Variants in PDE1C observed in about 807,000 individuals in gnomAD.
The protein encoded by PDE1C is phosphodiesterase 1C, also known as dual specificity calcium/calmodulin-dependent 3',5'-cyclic nucleotide phosphodiesterase 1C.
A neutral mutation model predicts 93.1 loss-of-function variants in PDE1C; 62 were observed. That is an observed-to-expected ratio of 0.67 (90% CI 0.54 to 0.82). PDE1C has a LOEUF of 0.82. PDE1C is among the 40% of genes least tolerant of loss of function. PDE1C has a pLI of 0.00. For missense variants in PDE1C, 742 were observed against 884.6 expected, an observed-to-expected ratio of 0.84 and a Z score of 2.04; for synonymous variants, 325 against 310.1, an observed-to-expected ratio of 1.05 and a Z score of -0.50.
At chr7:32,267,987 T>C (rs1464776550) in intron 1 of PDE1C, among the ~76,000 whole-genome samples, 5 of 152,152 alleles carry the variant, frequency 3.3e-5, no homozygotes, top group African/African-American at 1.2e-4. Flanking sequence ...CTCGTGATCT[T>C]TGGTGAAGGA....
rs1794222919 is a variant in PDE1C at position 31,753,250 on chromosome 7, T to G, written c.*134A>C. The stretch of plus-strand genomic sequence containing the variant: ...AATCACATACAACTTTCATTTCACC[T>G]TGGTGGAGTCAACCAGGATAGTACC... On this transcript the variant is annotated 3_prime_UTR_variant, in exon 18 of 18. Coordinates refer to ENST00000396191, the MANE Select transcript of PDE1C (RefSeq NM_001191057.4). 1 of 1,079,536 alleles carries G rather than the reference T, an allele frequency of 9.3e-7. No homozygotes were observed. Among genetic ancestry groups the G allele is most frequent in the Non-Finnish European group, 1.3e-6 (1 of 767,076 alleles). 66.9% of individuals were successfully genotyped at this position (1,079,536 alleles called of 1,614,324 possible). A position where few individuals can be genotyped will look rare whatever the true frequency, so the allele number is the denominator to read the frequency against.
At chr7:31,963,881 T>A (rs1584220966) in intron 2 of PDE1C, among the ~76,000 whole-genome samples, 1 of 152,170 alleles carries the variant, frequency 6.6e-6, no homozygotes, top group East Asian at 1.9e-4. Flanking sequence ...TGGGAGTCAA[T>A]GTATGAAAAT....
intron 2 of PDE1C, among the ~76,000 whole-genome samples, chr7:31,966,596 G>GC (rs1360317219): frequency 6.6e-6 from 1 of 152,172 alleles, no homozygotes; most frequent in East Asian, 1.9e-4. Flanking sequence ...ACTCAGCTCT[G>GC]CACCAAGCAG....
intron 2 of PDE1C, among the ~76,000 whole-genome samples, chr7:31,982,230 G>A (rs961500834): frequency 6.6e-5 from 10 of 152,184 alleles, no homozygotes; most frequent in African/African-American, 9.7e-5. Context: ...GACAGGCAGT[G>A]TTGTCACTGA....
chr7:32,176,017 T>A (rs543436627), intron 2 of PDE1C, among the ~76,000 whole-genome samples: 1 of 152,348 alleles, frequency 6.6e-6, no homozygotes, highest in East Asian at 1.9e-4. Flanking sequence ...TCCAAACTAG[T>A]TGTTACATCT....
At chr7:31,804,645 T>C (rs980416399) in intron 16 of PDE1C, among the ~76,000 whole-genome samples, 1 of 151,864 alleles carries the variant, frequency 6.6e-6, no homozygotes, top group Non-Finnish European at 1.5e-5. Context: ...CTTTATTAAG[T>C]CAAGAACTTT....
rs575685172 is a variant in PDE1C, at chr7:31,927,820, C to T, written c.129-46960G>A. Among the ~76,000 whole-genome samples, 187 of 152,222 alleles carry T rather than the reference C, an allele frequency of 1.2e-3. 1 individual carries two copies. The highest frequency in any genetic ancestry group is 3.2e-3 in the African/African-American group (135 of 41,544). On this transcript the variant is annotated intron_variant, in intron 2 of 17. Transcript: ENST00000396191. ...CAAAGATCAAAGGTATATAAATCCA[C>T]GAAGATGAGGAAAAACCAGTGCAAA...
the PDE1C span, among the ~76,000 whole-genome samples, chr7:31,639,691 C>T: frequency 6.6e-6 from 1 of 151,862 alleles, no homozygotes; most frequent in Non-Finnish European, 1.5e-5. Context: ...TGCCTGCCAC[C>T]ATGCCCGGCT....
At chr7:31,856,061 T>C (rs965256569) in intron 7 of PDE1C, among the ~76,000 whole-genome samples, 6 of 152,206 alleles carry the variant, frequency 3.9e-5, no homozygotes, top group Non-Finnish European at 7.3e-5. Context: ...TAATGAGTAA[T>C]ACAAACAGAT....
rs569215463 is a variant in PDE1C at position 32,268,646 on chromosome 7, T to G, written c.85+30005A>C. On this transcript the variant is annotated intron_variant, in intron 1 of 18. Coordinates refer to the PDE1C transcript ENST00000396193. ...GAAAATGAGGGAAAATTGCCTACGGTGAAATTCATTAGGTTGTTTTTAAAA... is the reference window on the plus strand; with the variant it reads ...GAAAATGAGGGAAAATTGCCTACGGGGAAATTCATTAGGTTGTTTTTAAAA... 8.5e-5 allele frequency among the ~76,000 whole-genome samples: 13 copies of G among 152,190 alleles called. No individual in the cohort carries two copies. The East Asian group carries it at 2.3e-3, about 27-fold the overall frequency.
chr7:32,105,691 C>T (rs1024447948), intron 3 of PDE1C, among the ~76,000 whole-genome samples: 1 of 143,572 alleles, frequency 7.0e-6, no homozygotes, highest in African/African-American at 2.6e-5. Context: ...GGATGTACCA[C>T]CACATCTGAC....
At chr7:31,706,846 T>C in the PDE1C span, among the ~76,000 whole-genome samples, 2 of 152,214 alleles carry the variant, frequency 1.3e-5, no homozygotes, top group African/African-American at 4.8e-5. Flanking sequence ...GTGAATGTGT[T>C]TTCTGGCCCA....
chr7:32,368,953 T>C (rs1396008673), intron 1 of PDE1C, among the ~76,000 whole-genome samples: 1 of 152,116 alleles, frequency 6.6e-6, no homozygotes, highest in Non-Finnish European at 1.5e-5. Flanking sequence ...TGCAAAAGAA[T>C]GAAACTAGAC....
chr7:31,652,236 A>G, the PDE1C span, among the ~76,000 whole-genome samples: 1 of 152,212 alleles, frequency 6.6e-6, no homozygotes, highest in Non-Finnish European at 1.5e-5. Flanking sequence ...GTGATTCTGT[A>G]TCAGAATTCA....
At chr7:31,870,892 A>G (rs1795863266) in intron 6 of PDE1C, among the ~76,000 whole-genome samples, 2 of 151,906 alleles carry the variant, frequency 1.3e-5, no homozygotes, top group Non-Finnish European at 2.9e-5. Context: ...AACACTATAT[A>G]TTATTTTATG....
chr7:31,651,395 T>C, the PDE1C span: 1 of 1,141,696 alleles, frequency 8.8e-7, no homozygotes, highest in Admixed American at 2.8e-5. Flanking sequence ...GCTTTTCCTT[T>C]GCTTTCTTGG....
intron 6 of PDE1C, among the ~76,000 whole-genome samples, chr7:31,868,588 C>T (rs1214384830): frequency 6.6e-6 from 1 of 151,962 alleles, no homozygotes; most frequent in Non-Finnish European, 1.5e-5. Flanking sequence ...TCAGGGTCCC[C>T]AAAAGCAAAG....
chr7:31,649,039 C>T, the PDE1C span, among the ~76,000 whole-genome samples: 2,519 of 152,238 alleles, frequency 0.017, 79 homozygotes, highest in African/African-American at 0.057. Flanking sequence ...TCAGAGATTC[C>T]CTAAGTGTTT....
At chr7:31,734,808 T>G in the PDE1C span, among the ~76,000 whole-genome samples, 1 of 152,202 alleles carries the variant, frequency 6.6e-6, no homozygotes, top group Non-Finnish European at 1.5e-5. Context: ...TATATATGAA[T>G]AAGTTTTTCA....
Sources: gnomAD v4.1 joint callset for allele counts (sites outside exome capture counted in the v4.1 genomes callset) on GRCh38, gnomAD v4.1.1 for gene constraint, MANE v1.5 for transcripts, NCBI Gene and HGNC (gene_info 2026-07-23, HGNC 2026-07-21) for gene names.